TMEM132D: variants seen among roughly 807,000 people sequenced by gnomAD.
TMEM132D encodes transmembrane protein 132D, also known as mature OL transmembrane protein.
In TMEM132D, 21 loss-of-function variants were observed where a neutral mutation model predicts 62.3. The observed-to-expected ratio is 0.34, with a 90% confidence interval of 0.24 to 0.49. The LOEUF is 0.49. Ranked by LOEUF, TMEM132D falls within the 20% of genes least tolerant of loss-of-function variation. The pLI is 0.99. For missense variants in TMEM132D, 1,346 were observed against 1,402.8 expected, an observed-to-expected ratio of 0.96 and a Z score of 0.65; for synonymous variants, 621 against 575.6, an observed-to-expected ratio of 1.08 and a Z score of -1.13.
intron 1 of TMEM132D, among the ~76,000 whole-genome samples, chr12:129,785,323 T>G (rs959780070): frequency 2.0e-5 from 3 of 152,162 alleles, no homozygotes; most frequent in African/African-American, 7.2e-5. Flanking sequence ...AGTTCCCATC[T>G]CAACTCTGCC....
At chr12:129,311,197 CAAAAAAAAAAAAAAAAAAAAAA>C (rs60836498) in intron 4 of TMEM132D, among the ~76,000 whole-genome samples, 5 of 29,670 alleles carry the variant, frequency 1.7e-4, no homozygotes, top group East Asian at 4.7e-3. Context: ...GACTCCGTCT[CAAAAAAAAAAAAAAAAAAAAAA>C]AAAAAAAAAA....
intron 3 of TMEM132D, among the ~76,000 whole-genome samples, chr12:129,509,031 T>C (rs545148891): frequency 1.1e-3 from 169 of 152,290 alleles, no homozygotes; most frequent in African/African-American, 3.1e-3. Flanking sequence ...GTTCACCATA[T>C]TGCAATTCCT....
chr12:129,633,580 G>A (rs1019955346), intron 2 of TMEM132D, among the ~76,000 whole-genome samples: 20 of 152,248 alleles, frequency 1.3e-4, no homozygotes, highest in African/African-American at 4.3e-4. Context: ...CACACCCGGA[G>A]CCTTCCTCCA....
chr12:129,159,758 CAAAAAA>C (rs1188064357), intron 5 of TMEM132D, among the ~76,000 whole-genome samples: 1 of 27,394 alleles, frequency 3.7e-5, no homozygotes. Context: ...GACTCGGGCT[CAAAAAA>C]AAAAAAAAAA....
chr12:129,430,944 G>C (rs977326480), intron 3 of TMEM132D, among the ~76,000 whole-genome samples: 2 of 152,252 alleles, frequency 1.3e-5, no homozygotes, highest in Admixed American at 6.5e-5. Context: ...ATCATCCTCT[G>C]TCTGGGCTTC....
intron 2 of TMEM132D, among the ~76,000 whole-genome samples, chr12:129,551,106 G>A (rs1008913991): frequency 3.9e-5 from 6 of 152,334 alleles, no homozygotes; most frequent in Non-Finnish European, 7.3e-5. Context: ...GCACATGTTT[G>A]GAGTGGGCCT....
intron 2 of TMEM132D, among the ~76,000 whole-genome samples, chr12:129,677,914 C>T (rs1316317604): frequency 1.3e-5 from 2 of 151,010 alleles, no homozygotes; most frequent in South Asian, 2.1e-4. Context: ...GTTTAATGCA[C>T]ATTTGTATCT....
intron 5 of TMEM132D, among the ~76,000 whole-genome samples, chr12:129,091,299 G>A (rs1381899577): frequency 6.7e-6 from 1 of 149,466 alleles, no homozygotes; most frequent in Non-Finnish European, 1.5e-5. Flanking sequence ...TGGTCTCTGG[G>A]GACCTTATAT....
intron 5 of TMEM132D, among the ~76,000 whole-genome samples, chr12:129,096,779 T>C (rs968198585): frequency 1.3e-5 from 2 of 152,238 alleles, no homozygotes; most frequent in African/African-American, 2.4e-5. Context: ...ATATAGTCCA[T>C]ATTCTATAGC....
intron 2 of TMEM132D, among the ~76,000 whole-genome samples, chr12:129,580,441 G>A (rs1002784440): frequency 4.6e-5 from 7 of 152,312 alleles, no homozygotes; most frequent in Admixed American, 2.6e-4. Flanking sequence ...AATGTTGGAG[G>A]AAGGTTTGGT....
At chr12:129,317,437 A>G (rs969681653) in intron 4 of TMEM132D, among the ~76,000 whole-genome samples, 2 of 152,132 alleles carry the variant, frequency 1.3e-5, no homozygotes, top group Admixed American at 6.6e-5. Context: ...CTTGGCTGAT[A>G]ATTATTTTGT....
chr12:129,404,464 T>C (rs1177761880), intron 3 of TMEM132D, among the ~76,000 whole-genome samples: 1 of 152,228 alleles, frequency 6.6e-6, no homozygotes, highest in Non-Finnish European at 1.5e-5. Context: ...CCCAAAGTGC[T>C]GGGATTACAG....
intron 3 of TMEM132D, among the ~76,000 whole-genome samples, chr12:129,434,503 C>A (rs1872738210): frequency 6.6e-6 from 1 of 152,074 alleles, no homozygotes; most frequent in Non-Finnish European, 1.5e-5. Context: ...TAAAACACAG[C>A]CTGACAACAG....
At chr12:129,285,122 A>T (rs578025776) in intron 4 of TMEM132D, among the ~76,000 whole-genome samples, 1 of 152,326 alleles carries the variant, frequency 6.6e-6, no homozygotes, top group South Asian at 2.1e-4. Flanking sequence ...CCACTGAGTC[A>T]ACATCCCCAA....
chr12:129,900,640 C>T (rs1297864106), intron 1 of TMEM132D, among the ~76,000 whole-genome samples: 1 of 152,164 alleles, frequency 6.6e-6, no homozygotes, highest in Non-Finnish European at 1.5e-5. Flanking sequence ...TGCCCTCTGC[C>T]CAACTCCAAT....
At chr12:129,534,994 G>A (rs766691735) in intron 2 of TMEM132D, among the ~76,000 whole-genome samples, 3 of 152,180 alleles carry the variant, frequency 2.0e-5, no homozygotes, top group Non-Finnish European at 4.4e-5. Flanking sequence ...TATATAACAA[G>A]GGGAGGCTAA....
At chr12:129,284,205 C>G (rs947175644) in intron 4 of TMEM132D, among the ~76,000 whole-genome samples, 2 of 152,188 alleles carry the variant, frequency 1.3e-5, no homozygotes, top group African/African-American at 4.8e-5. Context: ...GCAGCCTTGG[C>G]TCAGCTCACA....
At chr12:129,422,370 T>C (rs912006401) in intron 3 of TMEM132D, among the ~76,000 whole-genome samples, 1 of 152,052 alleles carries the variant, frequency 6.6e-6, no homozygotes, top group African/African-American at 2.4e-5. Flanking sequence ...AACAACTTGA[T>C]AGAACAAAAA....
chr12:129,767,835 G>C (rs1870601483), intron 1 of TMEM132D, among the ~76,000 whole-genome samples: 4 of 152,142 alleles, frequency 2.6e-5, no homozygotes, highest in Admixed American at 2.6e-4. Context: ...CCAAGACTTG[G>C]TAATTCACAA....
Sources: gnomAD v4.1 joint callset for allele counts (sites outside exome capture counted in the v4.1 genomes callset) on GRCh38, gnomAD v4.1.1 for gene constraint, MANE v1.5 for transcripts, NCBI Gene and HGNC (gene_info 2026-07-23, HGNC 2026-07-21) for gene names.